Variants in CACNA1E observed in about 807,000 individuals in gnomAD.
The protein encoded by CACNA1E is calcium voltage-gated channel subunit alpha1 E.
A neutral mutation model predicts 259.2 loss-of-function variants in CACNA1E; 40 were observed. The ratio of observed to expected loss-of-function variants is 0.15; its 90% CI spans 0.12 to 0.20. The LOEUF (loss-of-function observed/expected upper bound fraction) is 0.20, where lower values mean the gene tolerates loss of function less well. Among genes scored for constraint, CACNA1E ranks in the 10% least tolerant of loss-of-function variants. CACNA1E has a pLI of 1.00. For synonymous variants in CACNA1E, 1,104 were observed against 1,138.5 expected (o/e 0.97, Z 0.61); for missense variants, 1,874 against 3,040.1 (o/e 0.62, Z 9.02).
At chr1:181,767,649 C>A (rs1659140781) in intron 35 of CACNA1E, among the ~76,000 whole-genome samples, 1 of 152,230 alleles carries the variant, frequency 6.6e-6, no homozygotes, top group Non-Finnish European at 1.5e-5. Flanking sequence ...TTCTTGGTTT[C>A]ATTCTTTAAC....
At chr1:181,353,472 C>G (rs1571641171) in intron 1 of CACNA1E, among the ~76,000 whole-genome samples, 1 of 152,042 alleles carries the variant, frequency 6.6e-6, no homozygotes, top group East Asian at 1.9e-4. Context: ...TGGGTTTAGC[C>G]AAATGAAAGG....
intron 1 of CACNA1E, among the ~76,000 whole-genome samples, chr1:181,498,962 G>A (rs955034862): frequency 6.6e-6 from 1 of 152,202 alleles, no homozygotes; most frequent in African/African-American, 2.4e-5. Flanking sequence ...GAAAAAATAG[G>A]AATGGATAAG....
At chr1:181,661,927 A>T (rs1647723632) in intron 7 of CACNA1E, among the ~76,000 whole-genome samples, 2 of 152,228 alleles carry the variant, frequency 1.3e-5, no homozygotes, top group African/African-American at 2.4e-5. Context: ...AATGTCCTTT[A>T]TGGAAGGAAA....
rs187846759 is a variant in CACNA1E at position 181,515,564 on chromosome 1, C to T, written c.512+4054C>T. Among the ~76,000 whole-genome samples, 69 of 152,316 alleles carry T rather than the reference C, an allele frequency of 4.5e-4. 1 individual carries two copies. In the South Asian group the frequency reaches 0.013, roughly 28 times the overall value. On this transcript the variant is annotated intron_variant, in intron 3 of 47. Transcript: ENST00000367573. ...TGCCATTCTTTTAACACATTCTTAT[C>T]TTACAGAACTTGGGATCTCTCTTGC... is the stretch of plus-strand genomic sequence containing the variant.
chr1:181,529,988 C>T (rs1171936851), intron 3 of CACNA1E, among the ~76,000 whole-genome samples: 1 of 152,058 alleles, frequency 6.6e-6, no homozygotes, highest in Non-Finnish European at 1.5e-5. Context: ...TTGGAGGGGC[C>T]AGGGGTGGAA....
At chr1:181,619,762 G>C (rs1372103258) in intron 6 of CACNA1E, among the ~76,000 whole-genome samples, 1 of 152,130 alleles carries the variant, frequency 6.6e-6, no homozygotes, top group African/African-American at 2.4e-5. Flanking sequence ...ACCTGACATG[G>C]GATATGCGAG....
At chr1:181,468,534 A>G (rs1490615982) in intron 2 of CACNA1E, among the ~76,000 whole-genome samples, 1 of 152,196 alleles carries the variant, frequency 6.6e-6, no homozygotes, top group Non-Finnish European at 1.5e-5. Context: ...TTCAGAGTCC[A>G]CTAGACATAA....
chr1:181,497,245 A>G (rs1474907785), intron 1 of CACNA1E, among the ~76,000 whole-genome samples: 1 of 152,206 alleles, frequency 6.6e-6, no homozygotes. Context: ...GACTGAGCTC[A>G]TTTCTGTCAC....
intron 6 of CACNA1E, among the ~76,000 whole-genome samples, chr1:181,647,264 C>G (rs199973): frequency 0.97 from 147,235 of 152,272 alleles, 71,377 homozygotes; most frequent in Non-Finnish European, 1. Context: ...GTAGAGGTCT[C>G]GGCTGTGAAG....
intron 1 of CACNA1E, among the ~76,000 whole-genome samples, chr1:181,354,144 CT>C (rs374722982): frequency 0.045 from 6,063 of 135,608 alleles, 132 homozygotes; most frequent in Non-Finnish European, 0.058. Context: ...GGGCAGAGGA[CT>C]TTTTTTTTTT....
At chr1:181,332,819 C>T (rs929667918) in intron 1 of CACNA1E, among the ~76,000 whole-genome samples, 3 of 152,162 alleles carry the variant, frequency 2.0e-5, no homozygotes, top group African/African-American at 7.2e-5. Flanking sequence ...TGATAAAATG[C>T]ACACTCCAAA....
At chr1:181,426,495 A>C (rs1659218319) in intron 2 of CACNA1E, among the ~76,000 whole-genome samples, 1 of 142,106 alleles carries the variant, frequency 7.0e-6, no homozygotes, top group Non-Finnish European at 1.5e-5. Flanking sequence ...TTCCCTTCAA[A>C]ACTCAACCCC....
chr1:181,391,937 CTCTCTCTCTGTGTGTGTGTG>C (rs1656322494), intron 1 of CACNA1E, among the ~76,000 whole-genome samples: 1 of 74,866 alleles, frequency 1.3e-5, no homozygotes, highest in African/African-American at 4.1e-5. Flanking sequence ...CTCTCTCTCT[CTCTCTCTCTGTGTGTGTGTG>C]TGTGTGTGTG....
intron 39 of CACNA1E, among the ~76,000 whole-genome samples, chr1:181,781,775 G>C (rs1254936156): frequency 2.6e-5 from 4 of 152,204 alleles, no homozygotes; most frequent in Admixed American, 2.6e-4. Context: ...CAACTGTGTG[G>C]CTTCTTGTGA....
intron 3 of CACNA1E, among the ~76,000 whole-genome samples, chr1:181,549,646 C>A (rs1371314301): frequency 1.3e-5 from 2 of 152,126 alleles, no homozygotes; most frequent in African/African-American, 4.8e-5. Flanking sequence ...GGGGAGTTGC[C>A]CATGGGTTCC....
intron 41 of CACNA1E, 34 bp downstream of exon 41, chr1:181,784,802 T>G (rs569394122): frequency 1.6e-6 from 2 of 1,285,884 alleles, no homozygotes; most frequent in Non-Finnish European, 2.2e-6. Context: ...CTTGTCACTG[T>G]GGGCCCAGCA....
intron 2 of CACNA1E, among the ~76,000 whole-genome samples, chr1:181,447,175 C>T (rs952197657): frequency 1.3e-5 from 2 of 151,496 alleles, no homozygotes; most frequent in African/African-American, 4.8e-5. Flanking sequence ...TAAAAGAAAA[C>T]CTGCTTGTTA....
Position 181,737,615 on chromosome 1 carries a change from G to A in CACNA1E, c.3513G>A (p.Ala1171=), listed in dbSNP as rs565145928. Residue 1171 remains alanine, a synonymous_variant, in exon 23 of 48, where the codon GCG becomes GCA. Coordinates refer to ENST00000367573, the MANE Select transcript of CACNA1E (RefSeq NM_001205293.3). ...LVIAASSIAL[A]AEDPVLTNSE... ...TTGCAGCCAGCAGCATCGCCCTGGCGGCAGAGGACCCCGTCCTGACCAACT... is the reference window on the plus strand; with the variant it reads ...TTGCAGCCAGCAGCATCGCCCTGGCAGCAGAGGACCCCGTCCTGACCAACT... The A allele has an allele frequency of 1.4e-5, 23 of 1,614,022 alleles. No homozygotes were observed. The highest frequency in any genetic ancestry group is 1.3e-4 in the Admixed American group (8 of 60,020).
chr1:181,464,483 G>T (rs1166053598), intron 2 of CACNA1E, among the ~76,000 whole-genome samples: 11 of 151,534 alleles, frequency 7.3e-5, no homozygotes, highest in African/African-American at 2.4e-4. Flanking sequence ...CTTTTGCATG[G>T]TGTCTTCTTA....
Sources: gnomAD v4.1 joint callset for allele counts (sites outside exome capture counted in the v4.1 genomes callset) on GRCh38, gnomAD v4.1.1 for gene constraint, MANE v1.5 for transcripts, NCBI Gene and HGNC (gene_info 2026-07-23, HGNC 2026-07-21) for gene names.